Variants in CRY1 observed in about 807,000 individuals in gnomAD.
The protein encoded by CRY1 is cryptochrome circadian regulator 1, also known as cryptochrome-1.
A neutral mutation model predicts 76.0 loss-of-function variants in CRY1; 45 were observed. The ratio of observed to expected loss-of-function variants is 0.59; its 90% CI spans 0.47 to 0.76. The LOEUF (loss-of-function observed/expected upper bound fraction) is 0.76. Ranked by LOEUF, CRY1 falls within the 30% of genes least tolerant of loss-of-function variation. The pLI is 0.00. For missense variants in CRY1, 587 were observed against 716.4 expected (o/e 0.82, Z 2.06); for synonymous variants, 248 against 244.0 (o/e 1.02, Z -0.15).
At chr12:107,046,059 G>A (rs559643427) in intron 1 of CRY1, among the ~76,000 whole-genome samples, 7 of 151,754 alleles carry the variant, frequency 4.6e-5, no homozygotes, top group African/African-American at 1.2e-4. Flanking sequence ...CCTAGGAGGC[G>A]GAGGTTGCAG....
At chr12:106,995,965 T>A (rs779324330) in intron 10 of CRY1, among the ~76,000 whole-genome samples, 58 of 152,198 alleles carry the variant, frequency 3.8e-4, no homozygotes, top group Non-Finnish European at 7.3e-4. Flanking sequence ...TGCCTCAGCC[T>A]CCCAAGTAGC....
At chr12:107,090,923 C>T (rs991420474) in intron 1 of CRY1, among the ~76,000 whole-genome samples, 4 of 152,280 alleles carry the variant, frequency 2.6e-5, no homozygotes, top group Middle Eastern at 6.8e-3. Context: ...ACTTTCTTAG[C>T]AAAGTGTAGC....
At chr12:107,077,178 C>A (rs934625991) in intron 1 of CRY1, among the ~76,000 whole-genome samples, 6 of 152,024 alleles carry the variant, frequency 3.9e-5, no homozygotes, top group Admixed American at 3.9e-4. Flanking sequence ...CACACACACA[C>A]CTCTAGAACT....
chr12:107,051,600 A>T (rs183959207), intron 1 of CRY1, among the ~76,000 whole-genome samples: 1 of 152,318 alleles, frequency 6.6e-6, no homozygotes, highest in Non-Finnish European at 1.5e-5. Context: ...AGAGGAGTCA[A>T]TCTGTCAAGG....
intron 2 of CRY1, among the ~76,000 whole-genome samples, chr12:107,009,555 C>CAAACA (rs1555275522): frequency 1.9e-4 from 6 of 32,152 alleles, no homozygotes; most frequent in Admixed American, 4.4e-4. Flanking sequence ...AACAAAAAAA[C>CAAACA]AAAAAAACAT....
chr12:107,071,665 A>C (rs1267631548), intron 1 of CRY1, among the ~76,000 whole-genome samples: 2 of 152,212 alleles, frequency 1.3e-5, no homozygotes, highest in Non-Finnish European at 2.9e-5. Flanking sequence ...AGATCAATAA[A>C]GTATAAAAAC....
At chr12:107,080,652 A>G (rs543008336) in intron 1 of CRY1, among the ~76,000 whole-genome samples, 8 of 152,064 alleles carry the variant, frequency 5.3e-5, no homozygotes, top group Non-Finnish European at 1.0e-4. Flanking sequence ...ACATTGTTAA[A>G]AAAAAATAAA....
chr12:107,016,058 CCAGCACTTTGG>C (rs1219924580), intron 2 of CRY1, among the ~76,000 whole-genome samples: 15 of 152,122 alleles, frequency 9.9e-5, no homozygotes, highest in Admixed American at 9.8e-4. Flanking sequence ...GCCTGTAATC[CCAGCACTTTGG>C]GAGGCAAAGG....
intron 1 of CRY1, among the ~76,000 whole-genome samples, chr12:107,030,620 A>G (rs965941637): frequency 6.6e-6 from 1 of 152,214 alleles, no homozygotes; most frequent in African/African-American, 2.4e-5. Flanking sequence ...TCAAAAAGGC[A>G]GGAAAGCATA....
At chr12:107,085,577 A>G (rs1344440128) in intron 1 of CRY1, among the ~76,000 whole-genome samples, 1 of 152,130 alleles carries the variant, frequency 6.6e-6, no homozygotes, top group South Asian at 2.1e-4. Flanking sequence ...AAAACCAAAC[A>G]TCGCATGTTC....
intron 2 of CRY1, among the ~76,000 whole-genome samples, chr12:107,006,614 T>C (rs1434073193): frequency 6.7e-6 from 1 of 149,702 alleles, no homozygotes; most frequent in Non-Finnish European, 1.5e-5. Flanking sequence ...CTCCACACAC[T>C]TGCCAATAAT....
Position 107,093,112 on chromosome 12 carries a change from G to C in CRY1, c.-151C>G. The C allele has an allele frequency of 1.1e-6, 1 of 945,842 alleles. No homozygotes were observed. Among genetic ancestry groups the C allele is most frequent in the East Asian group, 2.9e-5 (1 of 34,632 alleles). The allele number at this position is 945,842 out of a possible 1,614,324, so 58.6% of individuals were successfully genotyped here. On this transcript the variant is annotated 5_prime_UTR_variant, in exon 1 of 13. Transcript: ENST00000008527. ...ACAGGAAAAAATGACTCCGAGGAGG[G>C]GACCGGAGAAGGCGGGGGCGCCGGA...
At chr12:107,059,542 C>A (rs1953024716) in intron 1 of CRY1, among the ~76,000 whole-genome samples, 1 of 151,774 alleles carries the variant, frequency 6.6e-6, no homozygotes, top group Non-Finnish European at 1.5e-5. Flanking sequence ...CATGAGCTAC[C>A]ATGCCTGATC....
intron 1 of CRY1, among the ~76,000 whole-genome samples, chr12:107,060,532 C>CA (rs1284588509): frequency 6.6e-6 from 1 of 152,160 alleles, no homozygotes; most frequent in Non-Finnish European, 1.5e-5. Flanking sequence ...TATAGCAGCA[C>CA]ACAACAGACT....
At chr12:107,039,342 A>G (rs182882516) in intron 1 of CRY1, among the ~76,000 whole-genome samples, 1 of 152,314 alleles carries the variant, frequency 6.6e-6, no homozygotes, top group East Asian at 1.9e-4. Flanking sequence ...CATCAAACTA[A>G]AACCTTCTGC....
At position 107,001,308 on chromosome 12, in the gene CRY1, G is replaced by A. The variant is rs368388382; in HGVS notation, c.656C>T (p.Thr219Ile). 1 of 1,613,634 alleles carries A rather than the reference G, an allele frequency of 6.2e-7. No homozygotes were observed. Among genetic ancestry groups the A allele is most frequent in the Non-Finnish European group, 8.5e-7 (1 of 1,179,710 alleles). The change falls in exon 5 of 13, where the codon ACT becomes ATT. Residue 219 changes from threonine (T) to isoleucine (I), a missense_variant. Physicochemically the swap from Thr to Ile is moderately conservative, Grantham distance 89 (BLOSUM62 -1). Coordinates refer to ENST00000008527, the MANE Select transcript of CRY1 (RefSeq NM_004075.5). ...VWPGGETEAL[T>I]RLERHLERKA... ...TCTTTCCAAATGCCTTTCCAAACGA[G>A]TAAGTGCTTCAGTTTCTCCACCTGG...
intron 8 of CRY1, 75 bp from the exon 9 acceptor site, chr12:106,997,765 AAAT>A: frequency 6.4e-7 from 1 of 1,557,754 alleles, no homozygotes; most frequent in Non-Finnish European, 8.8e-7. Flanking sequence ...TGACAGACCA[AAAT>A]CAAATCAAGA....
chr12:107,021,226 T>C (rs1469786943), intron 2 of CRY1, among the ~76,000 whole-genome samples: 1 of 152,024 alleles, frequency 6.6e-6, no homozygotes, highest in African/African-American at 2.4e-5. Flanking sequence ...GAGGTTGTAG[T>C]GCGCTGAGAT....
chr12:107,064,969 T>C (rs1020964689), intron 1 of CRY1, among the ~76,000 whole-genome samples: 19 of 152,110 alleles, frequency 1.2e-4, no homozygotes, highest in South Asian at 8.3e-4. Context: ...TAAATGGAGA[T>C]AAAAGGACTG....
Sources: gnomAD v4.1 joint callset for allele counts (sites outside exome capture counted in the v4.1 genomes callset) on GRCh38, gnomAD v4.1.1 for gene constraint, MANE v1.5 for transcripts, NCBI Gene and HGNC (gene_info 2026-07-23, HGNC 2026-07-21) for gene names.